Variants in FZR1 observed in about 807,000 individuals in gnomAD.
FZR1 encodes the protein fizzy and cell division cycle 20 related 1.
FZR1 carries 11 observed loss-of-function variants against 63.6 expected under a neutral mutation model. The ratio of observed to expected loss-of-function variants is 0.17; its 90% confidence interval spans 0.11 to 0.29. The LOEUF is 0.29. Ranked by LOEUF, FZR1 falls within the 10% of genes least tolerant of loss-of-function variation. The probability of loss-of-function intolerance (pLI) is 1.00; values close to 1 mark genes in which losing one functional copy is unlikely to be tolerated. For missense variants in FZR1, 440 were observed against 687.5 expected (o/e 0.64, Z 4.03); for synonymous variants, 328 against 297.9 (o/e 1.10, Z -1.04).
intron 1 of FZR1, among the ~76,000 whole-genome samples, chr19:3,508,425 C>T (rs1364805706): frequency 6.6e-6 from 1 of 152,156 alleles, no homozygotes; most frequent in Non-Finnish European, 1.5e-5. Context: ...CAACTCCTGA[C>T]CTCAGGCGAT....
chr19:3,522,794 C>T (rs1010256950), intron 1 of FZR1, among the ~76,000 whole-genome samples, 162 bp from the exon 2 acceptor site: 5 of 152,146 alleles, frequency 3.3e-5, no homozygotes, highest in African/African-American at 1.2e-4. Flanking sequence ...GTTGGGGGAG[C>T]CTCACCTAGG....
At chr19:3,530,170 G>A (rs1309827348) in intron 7 of FZR1, among the ~76,000 whole-genome samples, 1 of 136,956 alleles carries the variant, frequency 7.3e-6, no homozygotes, top group Non-Finnish European at 1.6e-5. Context: ...GTGGATGAGA[G>A]TGGTTGAGGG....
In FZR1 at chr19:3,508,709, T is replaced by A. The variant is rs1599769344; in HGVS notation, c.-35+2235T>A. ...GAGGTGAAGATCCAGGGGCTTGGTC[T>A]TCTAGGAACTCAGCGCTGTCACTCC... is the stretch of plus-strand genomic sequence containing the variant. On this transcript the variant is annotated intron_variant, in intron 1 of 13. Transcript: ENST00000441788. Among the ~76,000 whole-genome samples the A allele has an allele frequency of 4.6e-5, 7 of 152,298 alleles. 2 individuals are homozygous for A. The South Asian group carries it at 1.5e-3, about 32-fold the overall frequency.
In FZR1 at chr19:3,528,923, AGAGTGTATGG is replaced by A. The variant is rs1220153258; in HGVS notation, c.654+1115_654+1124del. 1.2e-4 allele frequency among the ~76,000 whole-genome samples: 17 copies of A among 147,384 alleles called. No homozygotes were observed. In the East Asian group the frequency reaches 2.9e-3, roughly 25 times the overall value. On this transcript the variant is annotated intron_variant, in intron 7 of 13. Transcript: ENST00000441788. The stretch of plus-strand genomic sequence containing the variant: ...GGGAGTGGATGTTTGAGTGGATGGG[AGAGTGTATGG>A]GAGTGGATGGGAGAGCGGATGGGTG...
In FZR1 at chr19:3,526,064, A is replaced by G; in HGVS notation, c.196-56A>G. The G allele has an allele frequency of 6.2e-7, 1 of 1,611,090 alleles. No individual in the cohort carries two copies. The highest frequency in any genetic ancestry group is 8.5e-7 in the Non-Finnish European group (1 of 1,178,578). On this transcript the variant is annotated intron_variant, in intron 3 of 13. Coordinates refer to ENST00000441788, the MANE Select transcript of FZR1 (RefSeq NM_016263.4). This position sits in a 1 kb window ranked among gnomAD's most constrained non-coding sequence, Gnocchi z 5.4. ...GGGCCCCTCCCAGCCTCCTTGCTCT[A>G]GGGCCGGGAACAAGCGGGCTCCTCG... is the stretch of plus-strand genomic sequence containing the variant.
chr19:3,530,336 G>A (rs1444345075), intron 7 of FZR1, among the ~76,000 whole-genome samples: 3 of 139,354 alleles, frequency 2.2e-5, no homozygotes. Flanking sequence ...GGTTGAGGGA[G>A]TGGATGGTTG....
chr19:3,509,737 G>T (rs1218276547), intron 1 of FZR1, among the ~76,000 whole-genome samples: 1 of 152,230 alleles, frequency 6.6e-6, no homozygotes, highest in Non-Finnish European at 1.5e-5. Context: ...CTCTCACTGA[G>T]TGTGATGTCC....
Position 3,526,500 on chromosome 19 carries a change from G to A in FZR1, c.387+114G>A, listed in dbSNP as rs2286544. On this transcript the variant is annotated intron_variant, in intron 5 of 13. Coordinates refer to ENST00000441788, the MANE Select transcript of FZR1 (RefSeq NM_016263.4). This position sits in a 1 kb window ranked among gnomAD's most constrained non-coding sequence, Gnocchi z 5.4. ...GAGCCCGGTTCTCGGGCCCAGCCAC[G>A]GCTCAGCACCCCCGCCCTGACCCTG... 238,151 of 799,366 alleles carry A rather than the reference G, an allele frequency of 0.3. 44,106 individuals are homozygous for A. The highest frequency in any genetic ancestry group is 0.83 in the East Asian group (30,803 of 37,246). 49.5% of individuals were successfully genotyped at this position (799,366 alleles called of 1,614,324 possible).
intron 1 of FZR1, among the ~76,000 whole-genome samples, chr19:3,520,144 C>T (rs2083088705): frequency 4.6e-5 from 7 of 152,234 alleles, no homozygotes; most frequent in Admixed American, 4.6e-4. Context: ...GGCCTCTCCT[C>T]GTCCTGGGAT....
chr19:3,531,008 T>A (rs543452841), intron 8 of FZR1, 151 bp downstream of exon 8: 15 of 611,852 alleles, frequency 2.5e-5, no homozygotes, highest in Non-Finnish European at 4.3e-5. Context: ...CCGGCCTTAG[T>A]GTGGTCCTGG....
intron 7 of FZR1, among the ~76,000 whole-genome samples, chr19:3,529,693 T>G (rs2083212192): frequency 1.5e-5 from 2 of 134,942 alleles, no homozygotes; most frequent in Non-Finnish European, 3.2e-5. Flanking sequence ...AGGGAGTGGA[T>G]GGTTGAGCGG....
At chr19:3,519,070 C>CAGA (rs1278386444) in intron 1 of FZR1, among the ~76,000 whole-genome samples, 3 of 152,180 alleles carry the variant, frequency 2.0e-5, no homozygotes, top group Non-Finnish European at 4.4e-5. Context: ...ATGGGGCTGT[C>CAGA]AGAAGTCAGG....
At chr19:3,518,475 G>C (rs879722210) in intron 1 of FZR1, among the ~76,000 whole-genome samples, 1 of 152,140 alleles carries the variant, frequency 6.6e-6, no homozygotes, top group Non-Finnish European at 1.5e-5. Context: ...ACCAGGACAC[G>C]GGAAGGGCTG....
Position 3,526,436 on chromosome 19 carries a change from C to T in FZR1, c.387+50C>T, listed in dbSNP as rs1277578974. The stretch of plus-strand genomic sequence containing the variant: ...GGGAGCTGGCTCCCAGTGCAGCCTC[C>T]CCGGCCCCCCACCTCCCAGGCACCA... On this transcript the variant is annotated intron_variant, in intron 5 of 13. Transcript: ENST00000441788. The surrounding 1 kb of genome is among the most constrained non-coding windows in gnomAD (Gnocchi z 5.4). 15 of 1,468,444 alleles carry T rather than the reference C, an allele frequency of 1.0e-5. No homozygotes were observed. The highest frequency in any genetic ancestry group is 2.0e-5 in the Admixed American group (1 of 50,520). 91.0% of individuals were successfully genotyped at this position (1,468,444 alleles called of 1,614,324 possible).
In FZR1 at chr19:3,533,306, G is replaced by A; in HGVS notation, c.1255G>A (p.Gly419Ser). 1.2e-6 allele frequency: 2 copies of A among 1,611,172 alleles called. No homozygotes were observed. The highest frequency in any genetic ancestry group is 1.7e-6 in the Non-Finnish European group (2 of 1,178,304). ...KHANELVSTH[G>S]YSQNQILVWK... ...CTCCGCCCTCCAGGTGAGCACGCAC[G>A]GCTACTCACAGAACCAGATCCTTGT... Residue 419 changes from glycine (G) to serine (S), a missense_variant, in exon 12 of 14, where the codon GGC becomes AGC. Coordinates refer to ENST00000441788, the MANE Select transcript of FZR1 (RefSeq NM_016263.4). This position sits in a 1 kb window ranked among gnomAD's most constrained non-coding sequence, Gnocchi z 4.9.
At chr19:3,530,594 G>A in intron 7 of FZR1, among the ~76,000 whole-genome samples, 198 bp from the exon 8 acceptor site, 1 of 151,992 alleles carries the variant, frequency 6.6e-6, no homozygotes, top group Non-Finnish European at 1.5e-5. Flanking sequence ...GCGGATGAGA[G>A]TGGTTGAGGG....
At position 3,515,038 on chromosome 19, in the gene FZR1, G is replaced by C; in HGVS notation, c.-34-7918G>C. On this transcript the variant is annotated intron_variant, in intron 1 of 13. Coordinates refer to ENST00000441788, the MANE Select transcript of FZR1 (RefSeq NM_016263.4). This position sits in a 1 kb window ranked among gnomAD's most constrained non-coding sequence, Gnocchi z 4.6. ...AAGGGGATGGGGCAGCAGGAAGCCC[G>C]GTGGCCCAGGGCCCGGGTCCACCAC... 6.6e-6 allele frequency among the ~76,000 whole-genome samples: 1 copy of C among 152,176 alleles called. No homozygotes were observed. The highest frequency in any genetic ancestry group is 1.9e-4 in the East Asian group (1 of 5,184).
intron 1 of FZR1, among the ~76,000 whole-genome samples, chr19:3,521,752 G>A (rs1230578490): frequency 7.2e-5 from 11 of 152,120 alleles, no homozygotes; most frequent in Non-Finnish European, 1.5e-5. Context: ...CACCCGCCTC[G>A]GCCTCCCGAA....
In FZR1 at chr19:3,531,765, G is replaced by C. The variant is rs1332422715; in HGVS notation, c.772G>C (p.Ala258Pro). 1 of 1,550,048 alleles carries C rather than the reference G, an allele frequency of 6.5e-7. No individual in the cohort carries two copies. Among genetic ancestry groups the C allele is most frequent in the Non-Finnish European group, 8.7e-7 (1 of 1,146,658 alleles). ...CAAGGGCTTCGTGCAGATCTGGGACGCAGCCGCAGGGAAGAAGCTGTCCAT... is the reference window on the plus strand; with the variant it reads ...CAAGGGCTTCGTGCAGATCTGGGACCCAGCCGCAGGGAAGAAGCTGTCCAT... ...THKGFVQIWD[A>P]AAGKKLSMLE... Residue 258 changes from alanine (A) to proline (P), a missense_variant, in exon 9 of 14, where the codon GCA (alanine) becomes CCA (proline). By Grantham distance (27) the Ala-to-Pro change is conservative. Around this residue, in one of 5 missense-constraint regions of FZR1, gnomAD observed 208 missense variants for 363.6 expected, o/e 0.57. Transcript: ENST00000441788.
Sources: allele counts gnomAD v4.1 joint callset (sites outside exome capture counted in the v4.1 genomes callset), GRCh38; gene constraint gnomAD v4.1.1; regional missense constraint gnomAD v4.1.1; non-coding constraint Gnocchi (gnomAD v3.1); transcripts MANE v1.5; gene names NCBI Gene and HGNC (gene_info 2026-07-23, HGNC 2026-07-21).